The following KASH5 variants were observed in gnomAD, a reference collection of about 807,000 sequenced individuals.
KASH5 encodes protein KASH5.
KASH5 carries 72 observed loss-of-function variants against 84.2 expected under a neutral mutation model. That is an observed-to-expected ratio of 0.85 (90% CI 0.71 to 1.04). The LOEUF (loss-of-function observed/expected upper bound fraction) is 1.04. KASH5 is among the 50% of genes least tolerant of loss of function. The probability of loss-of-function intolerance (pLI) is 0.00; values close to 1 mark genes in which losing one functional copy is unlikely to be tolerated. For synonymous variants in KASH5, 260 were observed against 279.1 expected, an observed-to-expected ratio of 0.93 and a Z score of 0.68; for missense variants, 650 against 701.0, an observed-to-expected ratio of 0.93 and a Z score of 0.82.
In KASH5 at chr19:49,399,219, T is replaced by C; in HGVS notation, c.747+77T>C. ...GAGTCAGGGCGGCAGAGTGTGACTA[T>C]GGAGTAGGAAGGGGCAGAGGTCACC... On this transcript the variant is annotated intron_variant, in intron 8 of 19. Coordinates refer to ENST00000447857, the MANE Select transcript of KASH5 (RefSeq NM_144688.5). This position sits in a 1 kb window ranked among gnomAD's most constrained non-coding sequence, Gnocchi z 4.4. The C allele has an allele frequency of 3.1e-6, 4 of 1,296,060 alleles. No homozygotes were observed. The highest frequency in any genetic ancestry group is 2.4e-5 in the Admixed American group (1 of 41,280). 80.3% of individuals were successfully genotyped at this position (1,296,060 alleles called of 1,614,324 possible). A position where few individuals can be genotyped will look rare whatever the true frequency, so the allele number is the denominator to read the frequency against.
intron 12 of KASH5, 143 bp downstream of exon 12, chr19:49,407,814 T>G (rs1974580603): frequency 6.5e-6 from 5 of 773,634 alleles, no homozygotes; most frequent in Admixed American, 6.1e-5. Context: ...ACTGTATGAC[T>G]GCATGTCTCC....
intron 1 of KASH5, chr19:49,388,535 AC>A (rs1322106533): frequency 6.6e-6 from 1 of 152,056 alleles, no homozygotes; most frequent in East Asian, 1.9e-4. Context: ...TACTAAAAAT[AC>A]AAAAAATTAG....
At chr19:49,407,096 G>A in intron 10 of KASH5, 133 bp downstream of exon 10, 2 of 1,273,384 alleles carry the variant, frequency 1.6e-6, no homozygotes, top group Non-Finnish European at 2.2e-6. Flanking sequence ...GACCACCCAG[G>A]CATCCCTAAA....
rs1338799893 is a variant in KASH5 at position 49,395,579 on chromosome 19, C to G, written c.336-190C>G. ...GGTCCCTCCCCAACCCTTCACCAAA[C>G]CCACTCCTTGCCCCTCCTGCTTTTC... On this transcript the variant is annotated intron_variant, in intron 4 of 19. Transcript: ENST00000447857. This position sits in a 1 kb window ranked among gnomAD's most constrained non-coding sequence, Gnocchi z 4.4. 1 of 645,352 alleles carries G rather than the reference C, an allele frequency of 1.5e-6. No individual in the cohort carries two copies. Among genetic ancestry groups the G allele is most frequent in the Non-Finnish European group, 2.7e-6 (1 of 371,124 alleles). 40.0% of individuals were successfully genotyped at this position (645,352 alleles called of 1,614,324 possible). A position where few individuals can be genotyped will look rare whatever the true frequency, so the allele number is the denominator to read the frequency against.
intron 11 of KASH5, among the ~76,000 whole-genome samples, 157 bp downstream of exon 11, chr19:49,407,453 G>T (rs2122187975): frequency 6.6e-6 from 1 of 152,240 alleles, no homozygotes; most frequent in East Asian, 1.9e-4. Context: ...GACCCCTCAG[G>T]GATCTAGAAG....
At position 49,397,833 on chromosome 19, in the gene KASH5, T is replaced by C. The variant is rs961443967; in HGVS notation, c.467+116T>C. 7 of 1,458,918 alleles carry C rather than the reference T, an allele frequency of 4.8e-6. No individual in the cohort carries two copies. The African/African-American group carries it at 9.8e-5, about 20-fold the overall frequency. 90.4% of individuals were successfully genotyped at this position (1,458,918 alleles called of 1,614,324 possible). On this transcript the variant is annotated intron_variant, in intron 6 of 19. Transcript: ENST00000447857. Reference sequence around the variant, plus strand: ...GGGAAATGAATGAGGGACGGGGCTTTGCTGAAAGTTCAGGGAGAGCAGAGG... The same window carrying C: ...GGGAAATGAATGAGGGACGGGGCTTCGCTGAAAGTTCAGGGAGAGCAGAGG...
At chr19:49,407,008 G>C in intron 10 of KASH5, 45 bp downstream of exon 10, 1 of 1,538,488 alleles carries the variant, frequency 6.5e-7, no homozygotes, top group Non-Finnish European at 8.8e-7. Context: ...CCACCCCGGG[G>C]CCATTTTTCC....
At chr19:49,407,589 C>A (rs1226724720) in intron 11 of KASH5, 23 bp from the exon 12 acceptor site, 1 of 1,572,812 alleles carries the variant, frequency 6.4e-7, no homozygotes, top group Admixed American at 1.9e-5. Context: ...GTCCCAGTCT[C>A]ATTTGGCTTT....
At chr19:49,407,200 C>A in intron 10 of KASH5, 40 bp from the exon 11 acceptor site, 1 of 1,610,246 alleles carries the variant, frequency 6.2e-7, no homozygotes, top group Non-Finnish European at 8.5e-7. Flanking sequence ...AAGGGGAGTC[C>A]TGGGAGGCTG....
rs192324643 is a variant in KASH5, at chr19:49,414,322, G to C, written c.1329-629G>C. ...TCCTGGAAGAGGGTCTTGCACCTAA[G>C]AGGATTCGGCATGGGGAAGAGCTCC... On this transcript the variant is annotated intron_variant, in intron 16 of 19. Transcript: ENST00000447857. The surrounding 1 kb of genome is among the most constrained non-coding windows in gnomAD (Gnocchi z 4.5). 6.6e-6 allele frequency among the ~76,000 whole-genome samples: 1 copy of C among 152,278 alleles called. No individual in the cohort carries two copies. Among genetic ancestry groups the C allele is most frequent in the East Asian group, 1.9e-4 (1 of 5,170 alleles).
Position 49,417,305 on chromosome 19 carries a change from T to G in KASH5, c.1547+39T>G, listed in dbSNP as rs1235120060. The G allele has an allele frequency of 1.3e-6, 2 of 1,593,002 alleles. No individual in the cohort carries two copies. The highest frequency in any genetic ancestry group is 3.3e-4 in the Middle Eastern group (2 of 6,010). On this transcript the variant is annotated intron_variant, in intron 19 of 19. Coordinates refer to ENST00000447857, the MANE Select transcript of KASH5 (RefSeq NM_144688.5). The surrounding 1 kb of genome is among the most constrained non-coding windows in gnomAD (Gnocchi z 5.2). Reference sequence around the variant, plus strand: ...CGTCTCCAGAAGGAAGGAGGTGGTCTGACATTGGGAAGAGCAGGGGCTGCC... The same window carrying G: ...CGTCTCCAGAAGGAAGGAGGTGGTCGGACATTGGGAAGAGCAGGGGCTGCC...
intron 6 of KASH5, 79 bp from the exon 7 acceptor site, chr19:49,397,903 C>A: frequency 6.5e-7 from 1 of 1,530,316 alleles, no homozygotes; most frequent in South Asian, 1.2e-5. Context: ...CACATCTCCC[C>A]ACCACCAGCA....
intron 5 of KASH5, among the ~76,000 whole-genome samples, chr19:49,396,552 C>A (rs1389320843): frequency 1.3e-5 from 2 of 152,188 alleles, no homozygotes; most frequent in Non-Finnish European, 1.5e-5. Flanking sequence ...CTGCGCCAAG[C>A]CGTCATCCAC....
chr19:49,396,177 C>T (rs973572100), intron 5 of KASH5, among the ~76,000 whole-genome samples: 10 of 151,980 alleles, frequency 6.6e-5, no homozygotes, highest in African/African-American at 2.4e-4. Flanking sequence ...ATGTGCCCCA[C>T]TTCTGCCCAG....
intron 9 of KASH5, among the ~76,000 whole-genome samples, chr19:49,403,819 G>C (rs569965472): frequency 2.0e-5 from 3 of 152,158 alleles, no homozygotes; most frequent in East Asian, 1.9e-4. Context: ...GGACACCCTC[G>C]GCCCTCGATA....
rs377122405 is a variant in KASH5, at chr19:49,399,514, G to A, written c.798+7G>A. 90 of 1,604,690 alleles carry A rather than the reference G, an allele frequency of 5.6e-5. No individual in the cohort carries two copies. Among genetic ancestry groups the A allele is most frequent in the African/African-American group, 5.3e-4 (40 of 74,776 alleles). On this transcript the variant is annotated splice_region_variant and intron_variant, in intron 9 of 19. Coordinates refer to ENST00000447857, the MANE Select transcript of KASH5 (RefSeq NM_144688.5). The surrounding 1 kb of genome is among the most constrained non-coding windows in gnomAD (Gnocchi z 4.4). ...GGAGACTCTGCAGGAGGAGGTGAGCGGAGGCCCAGCACCACCCCCACCCCT... is the reference window on the plus strand; with the variant it reads ...GGAGACTCTGCAGGAGGAGGTGAGCAGAGGCCCAGCACCACCCCCACCCCT...
rs750295337 is a variant in KASH5 at position 49,399,493 on chromosome 19, ACT to A, written c.787_788del (p.Leu263AlafsTer34). 11 of 1,609,826 alleles carry A rather than the reference ACT, an allele frequency of 6.8e-6. No individual in the cohort carries two copies. The highest frequency in any genetic ancestry group is 1.3e-5 in the African/African-American group (1 of 74,670). ...GCAGCATCTGGTGGCTGAGATGGAG[ACT>A]CTGCAGGAGGAGGTGAGCGGAGGCC... is the stretch of plus-strand genomic sequence containing the variant. ...EQQHLVAEME[T>X]LQEENGKLLA... On this transcript the variant is annotated frameshift_variant, in exon 9 of 20. Transcript: ENST00000447857. LOFTEE classifies it high-confidence loss of function. The surrounding 1 kb of genome is among the most constrained non-coding windows in gnomAD (Gnocchi z 4.4).
In KASH5 at chr19:49,416,339, C is replaced by T. The variant is rs755236495; in HGVS notation, c.1375-676C>T. Among the ~76,000 whole-genome samples, 8 of 152,174 alleles carry T rather than the reference C, an allele frequency of 5.3e-5. No individual in the cohort carries two copies. The highest frequency in any genetic ancestry group is 3.9e-4 in the East Asian group (2 of 5,170). Reference sequence around the variant, plus strand: ...TCCCAAGTAGCTGGGATTACAGGCACGTGCTACCATGCCCGGCTAATTTTT... The same window carrying T: ...TCCCAAGTAGCTGGGATTACAGGCATGTGCTACCATGCCCGGCTAATTTTT... On this transcript the variant is annotated intron_variant, in intron 17 of 19. Transcript: ENST00000447857. This position sits in a 1 kb window ranked among gnomAD's most constrained non-coding sequence, Gnocchi z 5.4.
chr19:49,413,716 C>A (rs965682921), intron 16 of KASH5, among the ~76,000 whole-genome samples: 4 of 152,028 alleles, frequency 2.6e-5, no homozygotes, highest in African/African-American at 9.7e-5. Context: ...ATGCGAGTTT[C>A]CAGAGGTCAG....
Sources: allele counts gnomAD v4.1 joint callset (sites outside exome capture counted in the v4.1 genomes callset), GRCh38; gene constraint gnomAD v4.1.1; non-coding constraint Gnocchi (gnomAD v3.1); transcripts MANE v1.5; gene names NCBI Gene and HGNC (gene_info 2026-07-23, HGNC 2026-07-21).